MTHFD1: variants seen among roughly 807,000 people sequenced by gnomAD.
MTHFD1 encodes methylenetetrahydrofolate dehydrogenase, cyclohydrolase and formyltetrahydrofolate synthetase 1, also known as C-1-tetrahydrofolate synthase, cytoplasmic.
MTHFD1 carries 44 observed loss-of-function variants against 110.3 expected under a neutral mutation model. That is an observed-to-expected ratio of 0.40 (90% CI 0.31 to 0.51). The LOEUF (loss-of-function observed/expected upper bound fraction) is 0.51, where lower values mean the gene tolerates loss of function less well. MTHFD1 is among the 20% of genes least tolerant of loss of function. The pLI, the probability that MTHFD1 is intolerant of heterozygous loss-of-function variation, is 0.60. For missense variants in MTHFD1, 909 were observed against 1,173.1 expected, an observed-to-expected ratio of 0.77 and a Z score of 3.29; for synonymous variants, 402 against 428.8, an observed-to-expected ratio of 0.94 and a Z score of 0.77.
At chr14:64,419,444 A>G (rs2078052619) in intron 7 of MTHFD1, among the ~76,000 whole-genome samples, 1 of 152,206 alleles carries the variant, frequency 6.6e-6, no homozygotes, top group Non-Finnish European at 1.5e-5. Flanking sequence ...GAGGCCTAGT[A>G]CTTTCTCTTT....
At chr14:64,395,669 C>T (rs2077842385) in intron 1 of MTHFD1, among the ~76,000 whole-genome samples, 1 of 152,132 alleles carries the variant, frequency 6.6e-6, no homozygotes, top group Non-Finnish European at 1.5e-5. Flanking sequence ...GGGCATTGGG[C>T]ATGCCTGGAG....
At chr14:64,415,096 A>G (rs1304624391) in intron 4 of MTHFD1, among the ~76,000 whole-genome samples, 1 of 152,138 alleles carries the variant, frequency 6.6e-6, no homozygotes, top group African/African-American at 2.4e-5. Context: ...TGGCCTCCCA[A>G]AGTGCTGGGA....
chr14:64,452,043 C>T (rs973293294), intron 24 of MTHFD1, among the ~76,000 whole-genome samples: 19 of 152,156 alleles, frequency 1.2e-4, no homozygotes, highest in African/African-American at 4.3e-4. Context: ...CACCTGTAAT[C>T]CCAGCACTTT....
At chr14:64,455,324 T>G (rs1346668793) in intron 26 of MTHFD1, among the ~76,000 whole-genome samples, 1 of 152,182 alleles carries the variant, frequency 6.6e-6, no homozygotes, top group East Asian at 1.9e-4. Context: ...TTCATTATTT[T>G]TAAGTAAGGA....
chr14:64,400,427 C>G (rs554243077), intron 1 of MTHFD1, among the ~76,000 whole-genome samples: 2 of 152,166 alleles, frequency 1.3e-5, no homozygotes, highest in East Asian at 3.9e-4. Context: ...CAGTGGCTCA[C>G]GCCTGTAATC....
At chr14:64,411,621 C>T (rs536794632) in intron 3 of MTHFD1, among the ~76,000 whole-genome samples, 9 of 152,184 alleles carry the variant, frequency 5.9e-5, no homozygotes, top group Non-Finnish European at 8.8e-5. Flanking sequence ...GACAGATGGC[C>T]GGACGCGGTG....
chr14:64,399,630 G>A (rs1375879664), intron 1 of MTHFD1, among the ~76,000 whole-genome samples: 1 of 136,598 alleles, frequency 7.3e-6, no homozygotes, highest in East Asian at 2.1e-4. Context: ...TTGCACTCCA[G>A]CCTGGGCAAA....
intron 21 of MTHFD1, among the ~76,000 whole-genome samples, chr14:64,444,021 T>C (rs575952554): frequency 6.8e-6 from 1 of 147,270 alleles, no homozygotes; most frequent in African/African-American, 2.5e-5. Context: ...CCACTGCCCA[T>C]GGTGGGGCCC....
chr14:64,438,959 T>C, intron 16 of MTHFD1, 137 bp from the exon 17 acceptor site: 1 of 723,198 alleles, frequency 1.4e-6, no homozygotes, highest in Non-Finnish European at 2.5e-6. Context: ...TTAACACATA[T>C]TCTAGCTTTG....
chr14:64,418,824 G>A (rs914748938), intron 7 of MTHFD1, among the ~76,000 whole-genome samples: 4 of 152,180 alleles, frequency 2.6e-5, no homozygotes, highest in African/African-American at 9.7e-5. Context: ...CCAAAGTACT[G>A]GGATTACAGG....
Position 64,433,418 on chromosome 14 carries a change from CTGTT to C in MTHFD1, c.1494+1563_1494+1566del, listed in dbSNP as rs1355736121. Among the ~76,000 whole-genome samples, 4 of 150,784 alleles carry C rather than the reference CTGTT, an allele frequency of 2.7e-5. No homozygotes were observed. The East Asian group carries it at 5.9e-4, about 22-fold the overall frequency. The stretch of plus-strand genomic sequence containing the variant: ...ACAGGCGTGAGCCACTGTACCCGGC[CTGTT>C]TGTTTATGTTTTTGAGAAAAGCTTT... On this transcript the variant is annotated intron_variant, in intron 15 of 27. Transcript: ENST00000652337.
rs1346769283 is a variant in MTHFD1, at chr14:64,415,729, C to T, written c.468C>T (p.Ile156=). Residue 156 remains isoleucine (I), a synonymous_variant, in exon 6 of 28, where the codon ATC becomes ATT. Coordinates refer to ENST00000652337, the MANE Select transcript of MTHFD1 (RefSeq NM_005956.4). ...PCTPKGCLEL[I]KETGVPIAGR... is the part of the protein sequence containing the mutation. Reference sequence around the variant, plus strand: ...CGCCTAAGGGATGCTTGGAACTCATCAAAGAGACAGGTAAAAACAACAAAC... The same window carrying T: ...CGCCTAAGGGATGCTTGGAACTCATTAAAGAGACAGGTAAAAACAACAAAC... The T allele has an allele frequency of 3.1e-6, 5 of 1,613,840 alleles. No individual in the cohort carries two copies. The African/African-American group carries it at 4.0e-5, about 13-fold the overall frequency.
intron 2 of MTHFD1, among the ~76,000 whole-genome samples, chr14:64,410,214 GTCTC>G (rs780614182): frequency 6.6e-6 from 1 of 152,096 alleles, no homozygotes; most frequent in Non-Finnish European, 1.5e-5. Flanking sequence ...GTTTCTCCCT[GTCTC>G]TCTCTTTTTT....
intron 4 of MTHFD1, among the ~76,000 whole-genome samples, chr14:64,413,659 CT>C (rs1401847312): frequency 1.3e-5 from 2 of 152,188 alleles, no homozygotes; most frequent in Non-Finnish European, 2.9e-5. Flanking sequence ...GTACTAGCCA[CT>C]TTGCAAGGAT....
intron 26 of MTHFD1, among the ~76,000 whole-genome samples, chr14:64,455,909 A>C (rs983534029): frequency 6.6e-6 from 1 of 152,204 alleles, no homozygotes; most frequent in Non-Finnish European, 1.5e-5. Flanking sequence ...TTAGCTCTCT[A>C]TAGAGAGCAG....
At chr14:64,395,462 C>A (rs1186845860) in intron 1 of MTHFD1, among the ~76,000 whole-genome samples, 1 of 152,172 alleles carries the variant, frequency 6.6e-6, no homozygotes, top group Non-Finnish European at 1.5e-5. Flanking sequence ...CCTCATTGTT[C>A]AGGAATCCTA....
chr14:64,406,024 TA>T (rs1431651349), intron 2 of MTHFD1, among the ~76,000 whole-genome samples: 11 of 142,242 alleles, frequency 7.7e-5, no homozygotes, highest in East Asian at 5.9e-4. Context: ...TATATATATA[TA>T]ATAATAATTA....
chr14:64,429,419 C>T (rs1385992969), intron 12 of MTHFD1, among the ~76,000 whole-genome samples: 1 of 151,804 alleles, frequency 6.6e-6, no homozygotes, highest in African/African-American at 2.4e-5. Flanking sequence ...CAGCCTTGAT[C>T]TCCCAGGCTA....
chr14:64,458,110 A>G (rs977630079), intron 26 of MTHFD1, 104 bp from the exon 27 acceptor site: 4 of 914,096 alleles, frequency 4.4e-6, no homozygotes, highest in Non-Finnish European at 5.5e-6. Flanking sequence ...AGGGTGGTTT[A>G]GAACTCCTGG....
Sources: gnomAD v4.1 joint callset for allele counts (sites outside exome capture counted in the v4.1 genomes callset) on GRCh38, gnomAD v4.1.1 for gene constraint, MANE v1.5 for transcripts, NCBI Gene and HGNC (gene_info 2026-07-23, HGNC 2026-07-21) for gene names.